The following CDC6 variants were observed in gnomAD, a reference collection of about 807,000 sequenced individuals.
CDC6 encodes the protein DNA replication factor CDC6.
A neutral mutation model predicts 60.2 loss-of-function variants in CDC6; 46 were observed. The observed-to-expected ratio is 0.76, with a 90% CI of 0.60 to 0.98. The LOEUF (loss-of-function observed/expected upper bound fraction) is 0.98. CDC6 is among the 50% of genes least tolerant of loss of function. CDC6 has a pLI of 0.00. For synonymous variants in CDC6, 210 were observed against 233.2 expected, an observed-to-expected ratio of 0.90 and a Z score of 0.90; for missense variants, 596 against 652.9, an observed-to-expected ratio of 0.91 and a Z score of 0.95.
In CDC6 at chr17:40,287,896, G is replaced by C. The variant is rs1454031388; in HGVS notation, c.-208G>C. 6.5e-6 allele frequency: 1 copy of C among 153,098 alleles called. No homozygotes were observed. The highest frequency in any genetic ancestry group is 1.9e-4 in the East Asian group (1 of 5,222). 9.5% of individuals were successfully genotyped at this position (153,098 alleles called of 1,614,324 possible). On this transcript the variant is annotated 5_prime_UTR_variant, in exon 1 of 12. Coordinates refer to ENST00000209728, the MANE Select transcript of CDC6 (RefSeq NM_001254.4). The stretch of plus-strand genomic sequence containing the variant: ...CTGTGGCCATTCGGATTTGGCGCGA[G>C]CGCGGCTGGAGTTTGCTGCTGCCGC...
At position 40,295,410 on chromosome 17, in the gene CDC6, G is replaced by T. The variant is rs745993981; in HGVS notation, c.1138G>T (p.Val380Phe). Residue 380 changes from valine (V) to phenylalanine (F), a missense_variant, in exon 8 of 12, where the codon GTC (valine) becomes TTC (phenylalanine). Transcript: ENST00000209728. ...NAAVQFCARKVSAVSGDVRKA... is the reference protein window; with the variant it reads ...NAAVQFCARKFSAVSGDVRKA... ...TGCAGTTCAATTCTGTGCCCGCAAAGTCTCTGCTGTTTCAGGAGATGTTCG... is the reference window on the plus strand; with the variant it reads ...TGCAGTTCAATTCTGTGCCCGCAAATTCTCTGCTGTTTCAGGAGATGTTCG... 6.2e-6 allele frequency: 10 copies of T among 1,613,736 alleles called. No homozygotes were observed. The South Asian group carries it at 9.9e-5, about 16-fold the overall frequency.
chr17:40,289,238 C>T (rs2032712670), intron 1 of CDC6, 170 bp from the exon 2 acceptor site: 1 of 629,992 alleles, frequency 1.6e-6, no homozygotes. Context: ...CAACAAATGT[C>T]AGCTGTTCTT....
At chr17:40,289,278 A>G in intron 1 of CDC6, 130 bp from the exon 2 acceptor site, 1 of 804,058 alleles carries the variant, frequency 1.2e-6, no homozygotes, top group South Asian at 1.5e-5. Context: ...GCAAAAGTGA[A>G]TGCTAAAATA....
intron 9 of CDC6, among the ~76,000 whole-genome samples, chr17:40,298,350 G>A (rs537038032): frequency 6.6e-6 from 1 of 151,160 alleles, no homozygotes; most frequent in South Asian, 2.1e-4. Context: ...GAGGTTGTAA[G>A]TTCTATCTTT....
intron 10 of CDC6, 131 bp downstream of exon 10, chr17:40,301,161 A>G (rs1396544351): frequency 3.9e-6 from 3 of 759,854 alleles, no homozygotes; most frequent in African/African-American, 1.7e-5. Context: ...GTAAGAATTA[A>G]TACTGGTACT....
At position 40,304,150 on chromosome 17, in the gene CDC6, A is replaced by C. The variant is rs2032971506; in HGVS notation, c.*2149A>C. 1 of 152,168 alleles carries C rather than the reference A, an allele frequency of 6.6e-6. No homozygotes were observed. The highest frequency in any genetic ancestry group is 1.9e-4 in the East Asian group (1 of 5,196). 9.4% of individuals were successfully genotyped at this position (152,168 alleles called of 1,614,324 possible). A position where few individuals can be genotyped will look rare whatever the true frequency, so the allele number is the denominator to read the frequency against. On this transcript the variant is annotated 3_prime_UTR_variant, in exon 12 of 12. Coordinates refer to ENST00000209728, the MANE Select transcript of CDC6 (RefSeq NM_001254.4). ...AGAGTTTTCTGTCTACTGATTTGTTAGTTTCCTTTTCTTCTCCCCTCACTG... is the reference window on the plus strand; with the variant it reads ...AGAGTTTTCTGTCTACTGATTTGTTCGTTTCCTTTTCTTCTCCCCTCACTG...
rs1214111306 is a variant in CDC6, at chr17:40,301,896, T to A, written c.1594-16T>A. 6.6e-7 allele frequency: 1 copy of A among 1,515,564 alleles called. No individual in the cohort carries two copies. The highest frequency in any genetic ancestry group is 1.4e-5 in the African/African-American group (1 of 72,976). 93.9% of individuals were successfully genotyped at this position (1,515,564 alleles called of 1,614,324 possible). A position where few individuals can be genotyped will look rare whatever the true frequency, so the allele number is the denominator to read the frequency against. On this transcript the variant is annotated splice_polypyrimidine_tract_variant and intron_variant, in intron 11 of 11. Coordinates refer to ENST00000209728, the MANE Select transcript of CDC6 (RefSeq NM_001254.4). ...TGAGTTCCCCAGTGTGAAAAATCCT[T>A]TTCTCTTCTTTCCAGGTGTTTTTCA...
chr17:40,289,450 T>C lies in CDC6; in HGVS notation c.30T>C (p.Ala10=), dbSNP rs1475369492. Residue 10 remains alanine, a synonymous_variant, in exon 2 of 12, where the codon GCT becomes GCC. Coordinates refer to ENST00000209728, the MANE Select transcript of CDC6 (RefSeq NM_001254.4). MPQTRSQAQ[A]TISFPKRKLS... is the part of the protein sequence containing the mutation. ...CTCAAACCCGATCCCAGGCACAGGC[T>C]ACAATCAGTTTTCCAAAAAGGAAGC... 6 of 1,613,976 alleles carry C rather than the reference T, an allele frequency of 3.7e-6. No individual in the cohort carries two copies. The highest frequency in any genetic ancestry group is 5.1e-6 in the Non-Finnish European group (6 of 1,180,000).
chr17:40,301,042 T>C lies in CDC6; in HGVS notation c.1452+12T>C. 1 of 1,577,372 alleles carries C rather than the reference T, an allele frequency of 6.3e-7. No individual in the cohort carries two copies. Among genetic ancestry groups the C allele is most frequent in the Non-Finnish European group, 8.7e-7 (1 of 1,147,130 alleles). On this transcript the variant is annotated intron_variant, in intron 10 of 11. Coordinates refer to ENST00000209728, the MANE Select transcript of CDC6 (RefSeq NM_001254.4). ...TCACTCTGGGGAAGGTAAGTTGGGATGGAGCAGATGGAACGGAGGTAGAGA... is the reference window on the plus strand; with the variant it reads ...TCACTCTGGGGAAGGTAAGTTGGGACGGAGCAGATGGAACGGAGGTAGAGA...
intron 9 of CDC6, among the ~76,000 whole-genome samples, chr17:40,299,751 G>GAA (rs71300055): frequency 7.0e-4 from 54 of 77,692 alleles, no homozygotes; most frequent in Middle Eastern, 7.0e-3. Context: ...ATACCAAAAA[G>GAA]AAAAAAAAAA....
intron 7 of CDC6, among the ~76,000 whole-genome samples, chr17:40,294,903 T>G (rs1461795348): frequency 1.3e-5 from 2 of 152,046 alleles, no homozygotes; most frequent in African/African-American, 4.8e-5. Context: ...TGTTGTATTT[T>G]TAGTAGAGCT....
chr17:40,294,781 A>G (rs907711073), intron 7 of CDC6, among the ~76,000 whole-genome samples: 3 of 150,704 alleles, frequency 2.0e-5, no homozygotes, highest in Non-Finnish European at 4.4e-5. Context: ...CTGGAGTGCA[A>G]TGGCGTGATC....
rs2120200 is a variant in CDC6 at position 40,304,123 on chromosome 17, A to G, written c.*2122A>G. Reference sequence around the variant, plus strand: ...CTTTCCCTTTCCCCTGGTTTTGGAAATAGAGTTTTCTGTCTACTGATTTGT... The same window carrying G: ...CTTTCCCTTTCCCCTGGTTTTGGAAGTAGAGTTTTCTGTCTACTGATTTGT... On this transcript the variant is annotated 3_prime_UTR_variant, in exon 12 of 12. Transcript: ENST00000209728. The G allele has an allele frequency of 0.21, 32,266 of 152,288 alleles. 5,699 individuals carry two copies. Among genetic ancestry groups the G allele is most frequent in the African/African-American group, 0.48 (19,929 of 41,540 alleles). The allele number at this position is 152,288 out of a possible 1,614,324, so 9.4% of individuals were successfully genotyped here.
In CDC6 at chr17:40,294,359, C is replaced by T. The variant is rs1567734999; in HGVS notation, c.944-5C>T. 2 of 1,599,214 alleles carry T rather than the reference C, an allele frequency of 1.3e-6. No homozygotes were observed. The highest frequency in any genetic ancestry group is 2.2e-5 in the East Asian group (1 of 44,802). ...AATGATCAATGTTGTTGATCTCCTC[C>T]TTAGGTATTGCTAATACCCTGGATC... On this transcript the variant is annotated splice_polypyrimidine_tract_variant and splice_region_variant and intron_variant, in intron 6 of 11. Coordinates refer to ENST00000209728, the MANE Select transcript of CDC6 (RefSeq NM_001254.4).
chr17:40,301,944 A>G lies in CDC6; in HGVS notation c.1626A>G (p.Glu542=), dbSNP rs181810318. ...TCAAGATTGAAGAGAAAGAAATAGA[A>G]CATGCTCTGAAAGATAAAGCTTTAA... ...VFFKIEEKEI[E]HALKDKALIG... The change falls in exon 12 of 12, where the codon GAA becomes GAG. Residue 542 remains glutamate (E), a synonymous_variant. Transcript: ENST00000209728. 31 of 1,600,392 alleles carry G rather than the reference A, an allele frequency of 1.9e-5. No individual in the cohort carries two copies. The East Asian group carries it at 6.7e-4, about 35-fold the overall frequency.
intron 11 of CDC6, 78 bp downstream of exon 11, chr17:40,301,686 AAC>A: frequency 1.3e-6 from 2 of 1,482,888 alleles, no homozygotes; most frequent in South Asian, 2.3e-5. Flanking sequence ...TTTATTGTTA[AAC>A]AAGATGACCA....
At chr17:40,300,356 G>T (rs1194529669) in intron 9 of CDC6, among the ~76,000 whole-genome samples, 2 of 152,140 alleles carry the variant, frequency 1.3e-5, no homozygotes, top group Non-Finnish European at 2.9e-5. Context: ...AACTAGCCTG[G>T]CATGGTGGCA....
chr17:40,295,282 T>C (rs2032841164), intron 7 of CDC6, 74 bp from the exon 8 acceptor site: 1 of 996,288 alleles, frequency 1.0e-6, no homozygotes, highest in South Asian at 1.3e-5. Context: ...TGTGAAAATA[T>C]TTATGCTTGG....
At position 40,302,415 on chromosome 17, in the gene CDC6, C is replaced by T. The variant is rs886052904; in HGVS notation, c.*414C>T. The T allele has an allele frequency of 3.1e-5, 7 of 224,658 alleles. No homozygotes were observed. Among genetic ancestry groups the T allele is most frequent in the South Asian group, 2.9e-4 (5 of 17,384 alleles). The allele number at this position is 224,658 out of a possible 1,614,324, so 13.9% of individuals were successfully genotyped here. A position where few individuals can be genotyped will look rare whatever the true frequency, so the allele number is the denominator to read the frequency against. ...TGTTGCCCAGGCTGGAGTGCAATGGCGCGTTCTCTGCTCACTACAGCACCC... is the reference window on the plus strand; with the variant it reads ...TGTTGCCCAGGCTGGAGTGCAATGGTGCGTTCTCTGCTCACTACAGCACCC... On this transcript the variant is annotated 3_prime_UTR_variant, in exon 12 of 12. Coordinates refer to ENST00000209728, the MANE Select transcript of CDC6 (RefSeq NM_001254.4).
Sources: allele counts gnomAD v4.1 joint callset (sites outside exome capture counted in the v4.1 genomes callset), GRCh38; gene constraint gnomAD v4.1.1; transcripts MANE v1.5; gene names NCBI Gene and HGNC (gene_info 2026-07-23, HGNC 2026-07-21).